Variants in CNTNAP2 observed in about 807,000 individuals in gnomAD.
CNTNAP2 encodes contactin-associated protein-like 2.
Under a neutral mutation model 155.2 loss-of-function variants are expected in CNTNAP2, and 98 were observed. The observed-to-expected ratio is 0.63, with a 90% CI of 0.54 to 0.75. The LOEUF (loss-of-function observed/expected upper bound fraction) is 0.75, where lower values mean the gene tolerates loss of function less well. Among genes scored for constraint, CNTNAP2 ranks in the 30% least tolerant of loss-of-function variants. CNTNAP2 has a pLI of 0.00. For synonymous variants in CNTNAP2, 651 were observed against 631.2 expected (o/e 1.03, Z -0.47); for missense variants, 1,727 against 1,688.1 (o/e 1.02, Z -0.40).
intron 3 of CNTNAP2, among the ~76,000 whole-genome samples, chr7:147,039,469 G>A (rs1799219191): frequency 1.3e-5 from 2 of 152,072 alleles, no homozygotes; most frequent in African/African-American, 4.8e-5. Flanking sequence ...TGTGGTATTT[G>A]GTTTTCTGTT....
chr7:147,265,470 C>A (rs1015673658), intron 8 of CNTNAP2, among the ~76,000 whole-genome samples: 3 of 152,150 alleles, frequency 2.0e-5, no homozygotes, highest in African/African-American at 7.2e-5. Context: ...GGAACTCCAG[C>A]AACTCCAGCC....
chr7:147,456,058 A>G (rs1471367223), intron 10 of CNTNAP2, among the ~76,000 whole-genome samples: 1 of 152,152 alleles, frequency 6.6e-6, no homozygotes, highest in Non-Finnish European at 1.5e-5. Context: ...GTGTACTTGT[A>G]TGTATGTATA....
At chr7:147,258,570 T>C (rs1804381812) in intron 8 of CNTNAP2, among the ~76,000 whole-genome samples, 1 of 152,128 alleles carries the variant, frequency 6.6e-6, no homozygotes, top group Non-Finnish European at 1.5e-5. Flanking sequence ...GTCCCCTGAA[T>C]GAACTCACCT....
At chr7:147,849,721 G>A (rs1233974069) in intron 13 of CNTNAP2, among the ~76,000 whole-genome samples, 1 of 152,202 alleles carries the variant, frequency 6.6e-6, no homozygotes, top group Non-Finnish European at 1.5e-5. Context: ...GGACTCTGTG[G>A]ACCCAGCCAT....
chr7:146,794,883 T>C (rs763988592), intron 2 of CNTNAP2, among the ~76,000 whole-genome samples: 5 of 152,300 alleles, frequency 3.3e-5, no homozygotes, highest in Non-Finnish European at 5.9e-5. Flanking sequence ...TTTTAAAGAA[T>C]TTAGTATATT....
At chr7:148,364,422 T>A (rs1798690965) in intron 21 of CNTNAP2, among the ~76,000 whole-genome samples, 1 of 152,082 alleles carries the variant, frequency 6.6e-6, no homozygotes, top group Non-Finnish European at 1.5e-5. Context: ...CAATCGACAC[T>A]CTGTATCTAG....
At chr7:147,350,017 A>G (rs1584891191) in intron 9 of CNTNAP2, among the ~76,000 whole-genome samples, 1 of 152,060 alleles carries the variant, frequency 6.6e-6, no homozygotes, top group Middle Eastern at 3.4e-3. Context: ...TGAATAATGA[A>G]CAAATTTATA....
At chr7:147,607,863 A>G (rs1397312823) in intron 12 of CNTNAP2, among the ~76,000 whole-genome samples, 1 of 152,222 alleles carries the variant, frequency 6.6e-6, no homozygotes, top group African/African-American at 2.4e-5. Flanking sequence ...GTTAAACACT[A>G]AAGAATTTTT....
chr7:147,312,783 A>G (rs1190935365), intron 9 of CNTNAP2, among the ~76,000 whole-genome samples: 2 of 119,770 alleles, frequency 1.7e-5, no homozygotes, highest in Non-Finnish European at 3.2e-5. Flanking sequence ...ACCCAGTAAT[A>G]GGATGGCTGG....
At chr7:146,603,029 G>C (rs1191630055) in intron 1 of CNTNAP2, among the ~76,000 whole-genome samples, 1 of 151,506 alleles carries the variant, frequency 6.6e-6, no homozygotes, top group Admixed American at 6.6e-5. Context: ...ATGCTAGTAA[G>C]ACCTATTCAA....
chr7:148,011,365 C>G (rs984825436), intron 15 of CNTNAP2, among the ~76,000 whole-genome samples: 1 of 152,110 alleles, frequency 6.6e-6, no homozygotes, highest in Non-Finnish European at 1.5e-5. Context: ...CCTTTTGGTA[C>G]ATTTTAAACC....
chr7:146,980,483 G>C (rs1037883477), intron 3 of CNTNAP2, among the ~76,000 whole-genome samples: 1 of 152,144 alleles, frequency 6.6e-6, no homozygotes, highest in Non-Finnish European at 1.5e-5. Flanking sequence ...ATCTGTTTTT[G>C]AGTGGCTATA....
intron 1 of CNTNAP2, among the ~76,000 whole-genome samples, chr7:146,520,045 A>G (rs1260693145): frequency 2.6e-5 from 4 of 151,734 alleles, no homozygotes; most frequent in Admixed American, 6.6e-5. Context: ...CTTAGAATAT[A>G]AAATGAATAC....
intron 14 of CNTNAP2, among the ~76,000 whole-genome samples, chr7:147,920,032 T>C (rs1054212776): frequency 7.9e-5 from 12 of 151,954 alleles, no homozygotes; most frequent in African/African-American, 1.9e-4. Context: ...AGAGTGAAAG[T>C]TCACTGGTAA....
intron 1 of CNTNAP2, among the ~76,000 whole-genome samples, chr7:146,345,862 G>C (rs1186203102): frequency 6.6e-6 from 1 of 152,132 alleles, no homozygotes; most frequent in Non-Finnish European, 1.5e-5. Context: ...CGGTATGTAA[G>C]ACACGAACTA....
rs541936763 is a variant in CNTNAP2 at position 147,312,831 on chromosome 7, C to T, written c.1498+12541C>T. On this transcript the variant is annotated intron_variant, in intron 9 of 23. Transcript: ENST00000361727. ...TTCTAGTTCTAGATCCCTGAGGAAT[C>T]GCCACACTGACTTCCACAATGGTTG... Among the ~76,000 whole-genome samples, 131 of 123,190 alleles carry T rather than the reference C, an allele frequency of 1.1e-3. 1 individual carries two copies. Among genetic ancestry groups the T allele is most frequent in the African/African-American group, 4.5e-3 (121 of 26,726 alleles). The allele number at this position is 123,190 out of a possible 152,430, so 80.8% of individuals were successfully genotyped here.
rs117837418 is a variant in CNTNAP2 at position 147,276,323 on chromosome 7, G to A, written c.1349-23818G>A. Among the ~76,000 whole-genome samples, 446 of 151,612 alleles carry A rather than the reference G, an allele frequency of 2.9e-3. 2 individuals carry two copies. The highest frequency in any genetic ancestry group is 0.022 in the South Asian group (105 of 4,800). On this transcript the variant is annotated intron_variant, in intron 8 of 23. Transcript: ENST00000361727. Reference sequence around the variant, plus strand: ...GAGTCCATCTGGTCCTGGGCTTTTTGTTGTTCTTGGAAGATTTTTTGTTAC... The same window carrying A: ...GAGTCCATCTGGTCCTGGGCTTTTTATTGTTCTTGGAAGATTTTTTGTTAC...
At position 148,106,493 on chromosome 7, in the gene CNTNAP2, G is replaced by GATAGATAGATAGATATATATATATATAT. The variant is rs1490418389; in HGVS notation, c.2384-11622_2384-11621insGATAGATAGATATATATATATATATATA. ...CACTTCAGTGTACTGCACACTTTGA[G>GATAGATAGATAGATATATATATATATAT]ATATATATATATATATATATATATA... On this transcript the variant is annotated intron_variant, in intron 15 of 23. Transcript: ENST00000361727. Among the ~76,000 whole-genome samples, 602 of 124,862 alleles carry GATAGATAGATAGATATATATATATATAT rather than the reference G, an allele frequency of 4.8e-3. 21 individuals are homozygous for GATAGATAGATAGATATATATATATATAT. Among genetic ancestry groups the GATAGATAGATAGATATATATATATATAT allele is most frequent in the African/African-American group, 0.019 (541 of 28,954 alleles). 81.9% of individuals were successfully genotyped at this position (124,862 alleles called of 152,430 possible).
At chr7:147,413,608 G>C (rs1797139777) in intron 10 of CNTNAP2, among the ~76,000 whole-genome samples, 1 of 152,188 alleles carries the variant, frequency 6.6e-6, no homozygotes, top group Admixed American at 6.5e-5. Context: ...TTGAGAATGA[G>C]TATTTTAGTT....
Sources: allele counts gnomAD v4.1 joint callset (sites outside exome capture counted in the v4.1 genomes callset), GRCh38; gene constraint gnomAD v4.1.1; transcripts MANE v1.5; gene names NCBI Gene and HGNC (gene_info 2026-07-23, HGNC 2026-07-21).